The following IFT74 variants were observed in gnomAD, a reference collection of about 807,000 sequenced individuals.
The protein encoded by IFT74 is intraflagellar transport protein 74 homolog.
Under a neutral mutation model 96.7 loss-of-function variants are expected in IFT74, and 92 were observed. The ratio of observed to expected loss-of-function variants is 0.95; its 90% CI spans 0.80 to 1.13. The LOEUF is 1.13. Ranked by LOEUF, IFT74 falls within the 50% of genes most tolerant of loss-of-function variation. The pLI is 0.00. For missense variants in IFT74, 811 were observed against 698.2 expected (o/e 1.16, Z -1.82); for synonymous variants, 223 against 213.2 (o/e 1.05, Z -0.40).
chr9:27,034,943 T>TTAAAATGG (rs1430044134), intron 13 of IFT74, among the ~76,000 whole-genome samples: 3 of 152,242 alleles, frequency 2.0e-5, no homozygotes, highest in Non-Finnish European at 4.4e-5. Flanking sequence ...TACTTTATCT[T>TTAAAATGG]AGTTTTTTTT....
chr9:27,046,750 T>C (rs940364631), intron 14 of IFT74, among the ~76,000 whole-genome samples: 1 of 152,242 alleles, frequency 6.6e-6, no homozygotes, highest in Non-Finnish European at 1.5e-5. Flanking sequence ...TCTTTTGAGC[T>C]TATATTTATA....
At chr9:26,988,380 T>C (rs1827724746) in intron 6 of IFT74, among the ~76,000 whole-genome samples, 1 of 152,206 alleles carries the variant, frequency 6.6e-6, no homozygotes, top group African/African-American at 2.4e-5. Context: ...CTCAGCCATC[T>C]TTTCAGAGCA....
At chr9:27,013,806 A>G (rs548273378) in intron 10 of IFT74, among the ~76,000 whole-genome samples, 17 of 152,280 alleles carry the variant, frequency 1.1e-4, no homozygotes, top group South Asian at 4.1e-4. Flanking sequence ...TGATGACAGT[A>G]TTAGGAACTG....
At chr9:27,009,218 T>A in intron 9 of IFT74, 60 bp downstream of exon 9, 9 of 1,478,332 alleles carry the variant, frequency 6.1e-6, no homozygotes, top group South Asian at 2.6e-5. Flanking sequence ...AAAGTATAGT[T>A]TGAATATCAG....
chr9:26,980,265 T>C (rs989992824), intron 3 of IFT74, among the ~76,000 whole-genome samples: 1 of 152,218 alleles, frequency 6.6e-6, no homozygotes, highest in Admixed American at 6.5e-5. Context: ...AGAAAGTTAC[T>C]CTGGACAGCT....
At chr9:27,049,698 T>C (rs1293404857) in intron 16 of IFT74, among the ~76,000 whole-genome samples, 1 of 152,076 alleles carries the variant, frequency 6.6e-6, no homozygotes, top group Non-Finnish European at 1.5e-5. Flanking sequence ...TACAATGAAA[T>C]AATGCTATGA....
At chr9:26,981,422 AT>A (rs550725210) in intron 4 of IFT74, among the ~76,000 whole-genome samples, 17 of 137,936 alleles carry the variant, frequency 1.2e-4, no homozygotes, top group Non-Finnish European at 7.9e-5. Context: ...GCCTCATAGC[AT>A]TTTTTTTTTG....
chr9:26,953,105 C>G (rs964382829), upstream of IFT74, among the ~76,000 whole-genome samples: 1 of 152,032 alleles, frequency 6.6e-6, no homozygotes, highest in Non-Finnish European at 1.5e-5. Context: ...GGTGTTCTTC[C>G]GGGCCATAAG....
At chr9:26,952,974 T>A (rs1825980257), upstream of IFT74, among the ~76,000 whole-genome samples, 1 of 152,138 alleles carries the variant, frequency 6.6e-6, no homozygotes, top group Admixed American at 6.5e-5. Context: ...CTTATATAAC[T>A]AACTTAGTAG....
At chr9:27,054,206 A>G (rs564570835) in intron 16 of IFT74, among the ~76,000 whole-genome samples, 46 of 152,344 alleles carry the variant, frequency 3.0e-4, no homozygotes, top group African/African-American at 7.5e-4. Context: ...ACTATTCAGT[A>G]TGCTGAACTT....
rs1169228943 is a variant in IFT74 at position 27,062,667 on chromosome 9, T to C, written c.1734T>C (p.Asn578=). ...QESDYQPIKK[N]VTKQIAEYNK... ...GTGATTACCAGCCAATTAAGAAAAA[T>C]GTGACCAAGCAGATTGCAGAGTACA... Residue 578 remains asparagine, a synonymous_variant, in exon 20 of 20, where the codon AAT becomes AAC. Transcript: ENST00000380062. 4.3e-6 allele frequency: 7 copies of C among 1,610,314 alleles called. No individual in the cohort carries two copies. The highest frequency in any genetic ancestry group is 5.9e-6 in the Non-Finnish European group (7 of 1,178,338).
chr9:26,997,105 G>A (rs948023760), intron 8 of IFT74, among the ~76,000 whole-genome samples: 60 of 151,848 alleles, frequency 4.0e-4, no homozygotes, highest in African/African-American at 1.4e-3. Flanking sequence ...CCAGCTACTG[G>A]GGAGGCTGAG....
At chr9:27,060,121 C>G (rs1364494757) in intron 18 of IFT74, among the ~76,000 whole-genome samples, 1 of 152,202 alleles carries the variant, frequency 6.6e-6, no homozygotes, top group Non-Finnish European at 1.5e-5. Context: ...CACTGCAGCT[C>G]TGCTCTTATC....
intron 2 of IFT74, among the ~76,000 whole-genome samples, chr9:26,963,203 G>A (rs1420742926): frequency 7.9e-5 from 12 of 151,766 alleles, no homozygotes; most frequent in Admixed American, 7.9e-4. Flanking sequence ...GTGAGAATAT[G>A]CGGTGTTTGG....
intron 13 of IFT74, among the ~76,000 whole-genome samples, chr9:27,043,524 T>G (rs990418472): frequency 6.6e-6 from 1 of 152,202 alleles, no homozygotes; most frequent in Admixed American, 6.5e-5. Context: ...ATAATCATGA[T>G]CCACTCCTAC....
rs1321474817 is a variant in IFT74, at chr9:27,066,062, G to T, written c.*3326G>T. On this transcript the variant is annotated 3_prime_UTR_variant, in exon 20 of 20. Coordinates refer to ENST00000380062, the MANE Select transcript of IFT74 (RefSeq NM_025103.4). ...TTTTTAGATACGCATCTATATTTAT[G>T]TCACACATATCTGTTTTATTTATGT... 6.6e-6 allele frequency among the ~76,000 whole-genome samples: 1 copy of T among 152,072 alleles called. No individual in the cohort carries two copies. Among genetic ancestry groups the T allele is most frequent in the Non-Finnish European group, 1.5e-5 (1 of 68,000 alleles).
chr9:26,957,536 A>G (rs1209919196), intron 1 of IFT74, among the ~76,000 whole-genome samples: 2 of 152,236 alleles, frequency 1.3e-5, no homozygotes, highest in Non-Finnish European at 2.9e-5. Context: ...TGATGTGAAC[A>G]TATTCAAATG....
intron 2 of IFT74, among the ~76,000 whole-genome samples, chr9:26,973,331 T>C (rs1826960407): frequency 6.6e-6 from 1 of 152,188 alleles, no homozygotes; most frequent in African/African-American, 2.4e-5. Context: ...TAGGGAGACA[T>C]ACAGGGTTTA....
intron 8 of IFT74, among the ~76,000 whole-genome samples, chr9:26,998,537 AT>A (rs1355099451): frequency 1.3e-5 from 2 of 152,230 alleles, no homozygotes; most frequent in African/African-American, 2.4e-5. Flanking sequence ...GAATATTCCC[AT>A]TTATATATGT....
Sources: allele counts gnomAD v4.1 joint callset (sites outside exome capture counted in the v4.1 genomes callset), GRCh38; gene constraint gnomAD v4.1.1; transcripts MANE v1.5; gene names NCBI Gene and HGNC (gene_info 2026-07-23, HGNC 2026-07-21).